E2F7: variants seen among roughly 807,000 people sequenced by gnomAD.
E2F7 encodes E2F transcription factor 7, also known as transcription factor E2F7.
A neutral mutation model predicts 81.1 loss-of-function variants in E2F7; 35 were observed. The observed-to-expected ratio is 0.43, with a 90% CI of 0.33 to 0.57. The LOEUF is 0.57. Ranked by LOEUF, E2F7 falls within the 20% of genes least tolerant of loss-of-function variation. E2F7 has a pLI of 0.04. For synonymous variants in E2F7, 416 were observed against 416.2 expected (o/e 1.00, Z 0.01); for missense variants, 961 against 1,093.7 (o/e 0.88, Z 1.71).
chr12:77,055,355 C>CT (rs78320507), intron 3 of E2F7, among the ~76,000 whole-genome samples: 4,254 of 141,772 alleles, frequency 0.03, 206 homozygotes, highest in African/African-American at 0.097. Flanking sequence ...AAATAATTAC[C>CT]TTTTTTTTTT....
At chr12:77,035,196 T>A (rs1362750679) in intron 7 of E2F7, among the ~76,000 whole-genome samples, 1 of 152,164 alleles carries the variant, frequency 6.6e-6, no homozygotes, top group African/African-American at 2.4e-5. Flanking sequence ...ACTGTAGGTC[T>A]CCCTAAGTTG....
chr12:77,056,824 A>G (rs1955036531), intron 2 of E2F7, among the ~76,000 whole-genome samples: 1 of 151,878 alleles, frequency 6.6e-6, no homozygotes, highest in Non-Finnish European at 1.5e-5. Context: ...ACAAGAAGAG[A>G]CCACTAATCA....
At chr12:77,058,830 A>G (rs1955055088) in intron 2 of E2F7, among the ~76,000 whole-genome samples, 1 of 152,184 alleles carries the variant, frequency 6.6e-6, no homozygotes, top group Non-Finnish European at 1.5e-5. Flanking sequence ...ACTACAGCAC[A>G]TCATATTGCT....
intron 7 of E2F7, among the ~76,000 whole-genome samples, chr12:77,039,307 C>T (rs1352373407): frequency 6.6e-6 from 1 of 152,114 alleles, no homozygotes; most frequent in South Asian, 2.1e-4. Flanking sequence ...AAAACTAATA[C>T]ATTAGTGGAC....
intron 2 of E2F7, among the ~76,000 whole-genome samples, chr12:77,061,152 T>C (rs1004719779): frequency 6.6e-6 from 1 of 152,194 alleles, no homozygotes; most frequent in African/African-American, 2.4e-5. Context: ...CACTCCCACG[T>C]ATAAAGCTTT....
chr12:77,024,714 C>T (rs1954744267), intron 12 of E2F7, among the ~76,000 whole-genome samples: 3 of 152,188 alleles, frequency 2.0e-5, no homozygotes, highest in Non-Finnish European at 2.9e-5. Flanking sequence ...GTTCACTGCT[C>T]TATCTTCACT....
intron 2 of E2F7, among the ~76,000 whole-genome samples, chr12:77,056,696 C>T (rs918513326): frequency 1.3e-5 from 2 of 152,076 alleles, no homozygotes; most frequent in Non-Finnish European, 1.5e-5. Flanking sequence ...TTTTAGATTT[C>T]CAAACTCCTG....
In E2F7 at chr12:77,028,134, G is replaced by C; in HGVS notation, c.1889C>G (p.Pro630Arg). 1 of 1,612,532 alleles carries C rather than the reference G, an allele frequency of 6.2e-7. No individual in the cohort carries two copies. The highest frequency in any genetic ancestry group is 8.5e-7 in the Non-Finnish European group (1 of 1,179,314). The change falls in exon 11 of 13, where the codon CCC becomes CGC. Residue 630 changes from proline to arginine, a missense_variant. Transcript: ENST00000322886. Reference protein sequence around the residue: ...GPLSLVMPKKPSDSTDLASPK... With the variant: ...GPLSLVMPKKRSDSTDLASPK... ...AGAGGCAAGGTCTGTGGAATCTGAG[G>C]GTTTCTAAACACAACCAAACCAGGA... is the stretch of plus-strand genomic sequence containing the variant.
chr12:77,029,707 G>GC (rs1954788680), intron 10 of E2F7, 124 bp downstream of exon 10: 5 of 1,451,142 alleles, frequency 3.4e-6, no homozygotes, highest in African/African-American at 1.4e-5. Context: ...GCTTAATTAT[G>GC]CAAGTGACAT....
At position 77,043,243 on chromosome 12, in the gene E2F7, C is replaced by A. The variant is rs759340916; in HGVS notation, c.989-44G>T. 5 of 1,610,596 alleles carry A rather than the reference C, an allele frequency of 3.1e-6. No individual in the cohort carries two copies. The South Asian group carries it at 4.4e-5, about 14-fold the overall frequency. Reference sequence around the variant, plus strand: ...GATTACGGTCATGCTGCCTGTGACACCATGACAGTTTAGTTTATGTGACAG... The same window carrying A: ...GATTACGGTCATGCTGCCTGTGACAACATGACAGTTTAGTTTATGTGACAG... On this transcript the variant is annotated intron_variant, in intron 6 of 12. Transcript: ENST00000322886.
chr12:77,044,610 T>G, intron 6 of E2F7, 27 bp downstream of exon 6: 1 of 1,610,568 alleles, frequency 6.2e-7, no homozygotes, highest in Non-Finnish European at 8.5e-7. Flanking sequence ...TATGTGCTAG[T>G]AAGTTGATGG....
Position 77,055,338 on chromosome 12 carries a change from GA to G in E2F7, c.369+516del, listed in dbSNP as rs551525231. Among the ~76,000 whole-genome samples the G allele has an allele frequency of 2.4e-3, 357 of 151,324 alleles. 2 individuals are homozygous for G. Among genetic ancestry groups the G allele is most frequent in the African/African-American group, 7.8e-3 (322 of 41,076 alleles). The stretch of plus-strand genomic sequence containing the variant: ...GGAAGTCTGAGAAAAAGCTTGATGG[GA>G]AGTGAAAATAATTACCTTTTTTTTT... On this transcript the variant is annotated intron_variant, in intron 3 of 12. Transcript: ENST00000322886.
chr12:77,025,683 G>T lies in E2F7; in HGVS notation c.2440C>A (p.Pro814Thr), dbSNP rs566695974. The T allele has an allele frequency of 1.2e-6, 2 of 1,614,176 alleles. No individual in the cohort carries two copies. The highest frequency in any genetic ancestry group is 1.7e-6 in the Non-Finnish European group (2 of 1,180,038). The change falls in exon 12 of 13, where the codon CCT (proline) becomes ACT (threonine). Residue 814 changes from proline to threonine, a missense_variant. Physicochemically the swap from Pro to Thr is conservative, Grantham distance 38 (BLOSUM62 -1). Coordinates refer to ENST00000322886, the MANE Select transcript of E2F7 (RefSeq NM_203394.3). ...AGTGAGGGCTGACTCTGAAGCTGAG[G>T]GTCTGCAGAAGGGAGTGTGGACGAC... is the stretch of plus-strand genomic sequence containing the variant. The part of the protein sequence containing the change: ...PKSSTLPSAD[P>T]QLQSQPSLNL...
At chr12:77,064,827 A>T (rs1391703) in intron 1 of E2F7, among the ~76,000 whole-genome samples, 192 bp from the exon 2 acceptor site, 21,700 of 152,196 alleles carry the variant, frequency 0.14, 1,898 homozygotes, top group Non-Finnish European at 0.2. Flanking sequence ...AAACACCTAA[A>T]GTGTGCTTAG....
intron 1 of E2F7, 148 bp from the exon 2 acceptor site, chr12:77,064,783 C>A: frequency 1.6e-6 from 1 of 626,614 alleles, no homozygotes; most frequent in Non-Finnish European, 2.7e-6. Flanking sequence ...GTTGTAGCCA[C>A]CCTCAACTTT....
At chr12:77,048,617 C>T (rs1954962110) in intron 4 of E2F7, among the ~76,000 whole-genome samples, 1 of 152,130 alleles carries the variant, frequency 6.6e-6, no homozygotes, top group African/African-American at 2.4e-5. Flanking sequence ...CAGACTCAAC[C>T]CCAAAAGACA....
chr12:77,029,623 A>T (rs1480713740), intron 10 of E2F7, among the ~76,000 whole-genome samples: 5 of 152,260 alleles, frequency 3.3e-5, no homozygotes. Flanking sequence ...ATTTTATAGA[A>T]AGTGTGAGTT....
intron 7 of E2F7, among the ~76,000 whole-genome samples, chr12:77,042,605 C>A (rs550393596): frequency 1.3e-5 from 2 of 152,280 alleles, no homozygotes; most frequent in East Asian, 3.9e-4. Flanking sequence ...TATTTAGATG[C>A]AATCTTAACC....
chr12:77,061,905 C>T (rs1018766002), intron 2 of E2F7, among the ~76,000 whole-genome samples: 5 of 152,240 alleles, frequency 3.3e-5, no homozygotes, highest in African/African-American at 1.2e-4. Context: ...GGTTGAGCTT[C>T]CTCATCCACT....
Sources: allele counts gnomAD v4.1 joint callset (sites outside exome capture counted in the v4.1 genomes callset), GRCh38; gene constraint gnomAD v4.1.1; transcripts MANE v1.5; gene names NCBI Gene and HGNC (gene_info 2026-07-23, HGNC 2026-07-21).